The following MTMR10 variants were observed in gnomAD, a reference collection of about 807,000 sequenced individuals.
MTMR10 encodes myotubularin-related protein 10.
Under a neutral mutation model 88.1 loss-of-function variants are expected in MTMR10, and 56 were observed. The observed-to-expected ratio is 0.64, with a 90% CI of 0.51 to 0.79. MTMR10 has a LOEUF of 0.79. Ranked by LOEUF, MTMR10 falls within the 30% of genes least tolerant of loss-of-function variation. MTMR10 has a pLI of 0.00. For missense variants in MTMR10, 883 were observed against 924.7 expected (o/e 0.95, Z 0.58); for synonymous variants, 380 against 340.9 (o/e 1.11, Z -1.26).
At chr15:30,981,056 T>C (rs1465556386) in intron 2 of MTMR10, among the ~76,000 whole-genome samples, 1 of 152,256 alleles carries the variant, frequency 6.6e-6, no homozygotes, top group Non-Finnish European at 1.5e-5. Context: ...ATGGACTCAA[T>C]GTCATAGACT....
rs1466237736 is a variant in MTMR10, at chr15:30,953,554, G to C, written c.1136+8C>G. 9 of 1,526,366 alleles carry C rather than the reference G, an allele frequency of 5.9e-6. No individual in the cohort carries two copies. Among genetic ancestry groups the C allele is most frequent in the Non-Finnish European group, 6.2e-6 (7 of 1,127,906 alleles). 94.6% of individuals were successfully genotyped at this position (1,526,366 alleles called of 1,614,324 possible). ...AGTTAAAGGAAAAGAAAGTAAAGAA[G>C]TACAAACCTTACATATTCTAACCAT... On this transcript the variant is annotated splice_region_variant and intron_variant, in intron 11 of 15. Transcript: ENST00000435680.
rs919140598 is a variant in MTMR10, at chr15:30,940,574, C to CTTGT, written c.*892_*895dup. ...AAGCCCAGCACGCCTCCCAGCAAGC[C>CTTGT]TTGTTTGTTTTTGAGGGCGAGTTTT... On this transcript the variant is annotated 3_prime_UTR_variant, in exon 16 of 16. Transcript: ENST00000435680. The CTTGT allele has an allele frequency of 1.2e-5, 12 of 985,432 alleles. No homozygotes were observed. The East Asian group carries it at 3.4e-4, about 28-fold the overall frequency. The allele number at this position is 985,432 out of a possible 1,614,324, so 61.0% of individuals were successfully genotyped here.
the MTMR10 span, among the ~76,000 whole-genome samples, chr15:30,929,645 TATATA>T: frequency 1.2e-3 from 141 of 116,370 alleles, 2 homozygotes; most frequent in African/African-American, 3.5e-3. Context: ...CAATATACAA[TATATA>T]ATATAATATA....
intron 13 of MTMR10, among the ~76,000 whole-genome samples, chr15:30,947,919 A>C (rs2063194467): frequency 6.6e-6 from 1 of 152,194 alleles, no homozygotes. Context: ...CTAACTCCAC[A>C]GCTGTTGCAA....
chr15:30,943,978 G>C (rs546566509), intron 14 of MTMR10: 12 of 985,302 alleles, frequency 1.2e-5, no homozygotes, highest in Non-Finnish European at 1.4e-5. Context: ...GGAAATGTCT[G>C]ATTCTTTGTT....
At chr15:30,946,712 T>C in intron 14 of MTMR10, 1 of 702,888 alleles carries the variant, frequency 1.4e-6, no homozygotes, top group Non-Finnish European at 2.6e-6. Context: ...ATCAATGAAT[T>C]GTGACCAGAA....
the MTMR10 span, chr15:30,929,445 C>G: frequency 8.7e-4 from 1,278 of 1,462,034 alleles, 11 homozygotes; most frequent in African/African-American, 0.016. Context: ...GTTAACACCG[C>G]CCCAGTGCTG....
At chr15:30,969,137 C>G (rs2063507136) in intron 5 of MTMR10, among the ~76,000 whole-genome samples, 1 of 152,016 alleles carries the variant, frequency 6.6e-6, no homozygotes, top group African/African-American at 2.4e-5. Flanking sequence ...TTTCATTAAC[C>G]AGTAAGCATG....
the MTMR10 span, among the ~76,000 whole-genome samples, chr15:30,918,812 A>T: frequency 6.6e-6 from 1 of 152,182 alleles, no homozygotes; most frequent in African/African-American, 2.4e-5. Flanking sequence ...TTACATAGTG[A>T]TGAGAAAAAT....
At chr15:30,948,505 A>G in intron 12 of MTMR10, 34 bp from the exon 13 acceptor site, 1 of 1,558,522 alleles carries the variant, frequency 6.4e-7, no homozygotes, top group Non-Finnish European at 8.7e-7. Context: ...TGATTACAAC[A>G]TAGAAAAATG....
downstream of MTMR10, among the ~76,000 whole-genome samples, chr15:30,936,340 G>A (rs2140969731): frequency 6.6e-6 from 1 of 152,278 alleles, no homozygotes; most frequent in Admixed American, 6.5e-5. Context: ...GTCCCAGGCA[G>A]CGGGAACAGC....
chr15:30,929,231 GCTT>G, the MTMR10 span: 1 of 1,613,342 alleles, frequency 6.2e-7, no homozygotes, highest in Admixed American at 1.7e-5. Flanking sequence ...TGCACAGACA[GCTT>G]CTTCACAAGC....
chr15:30,942,021 T>C lies in MTMR10; in HGVS notation c.1783A>G (p.Ile595Val). 1 of 1,613,990 alleles carries C rather than the reference T, an allele frequency of 6.2e-7. No homozygotes were observed. Among genetic ancestry groups the C allele is most frequent in the Non-Finnish European group, 8.5e-7 (1 of 1,179,878 alleles). Residue 595 changes from isoleucine to valine, a missense_variant, in exon 16 of 16, where the codon ATC becomes GTC. Ile to Val is a conservative substitution (Grantham distance 29). Transcript: ENST00000435680. ...GGAAGTAATTCTTGGTCACTGATGATTCCATTCTTTAAGGCAGACGGCATT... is the reference window on the plus strand; with the variant it reads ...GGAAGTAATTCTTGGTCACTGATGACTCCATTCTTTAAGGCAGACGGCATT... ...RGMPSALKNGIISDQELLPRR... is the reference protein window; with the variant it reads ...RGMPSALKNGVISDQELLPRR...
Position 30,941,572 on chromosome 15 carries a change from T to G in MTMR10, c.2232A>C (p.Val744=), listed in dbSNP as rs763785595. The part of the protein sequence containing the change: ...FLSSSFPFSP[V]GNLCRRSILG... ...AAATGCTTCGTCTGCACAGATTCCC[T>G]ACAGGAGAAAATGGAAATGAGGAGG... The change falls in exon 16 of 16, where the codon GTA becomes GTC. Residue 744 remains valine (V), a synonymous_variant. Coordinates refer to ENST00000435680, the MANE Select transcript of MTMR10 (RefSeq NM_017762.3). 5.0e-6 allele frequency: 8 copies of G among 1,600,970 alleles called. No homozygotes were observed. Among genetic ancestry groups the G allele is most frequent in the Non-Finnish European group, 6.8e-6 (8 of 1,173,136 alleles).
rs750476889 is a variant in MTMR10, at chr15:30,939,681, TAC to T, written c.*1787_*1788del. The T allele has an allele frequency of 8.4e-6, 8 of 956,366 alleles. No individual in the cohort carries two copies. Among genetic ancestry groups the T allele is most frequent in the Non-Finnish European group, 1.0e-5 (8 of 803,880 alleles). 59.2% of individuals were successfully genotyped at this position (956,366 alleles called of 1,614,324 possible). ...TAAAATAAACGTGAAGGAAGAAAAT[TAC>T]AGAGGGAAAAATGCTCAATCCAAAA... is the stretch of plus-strand genomic sequence containing the variant. On this transcript the variant is annotated 3_prime_UTR_variant, in exon 16 of 16. Transcript: ENST00000435680.
the MTMR10 span, chr15:30,925,829 G>A: frequency 6.2e-7 from 1 of 1,614,094 alleles, no homozygotes. Context: ...CGTGGGATGT[G>A]CAAGTCTGTG....
intron 2 of MTMR10, 138 bp from the exon 3 acceptor site, chr15:30,977,093 C>G (rs1415366567): frequency 7.7e-6 from 6 of 775,780 alleles, no homozygotes; most frequent in Non-Finnish European, 1.2e-5. Context: ...AGGTGCCAGG[C>G]ACTGTATGGT....
intron 9 of MTMR10, 101 bp downstream of exon 9, chr15:30,958,762 A>T: frequency 8.2e-7 from 1 of 1,212,322 alleles, no homozygotes. Context: ...CTAACTAATT[A>T]GTAAGACTAT....
At chr15:30,975,206 G>A (rs938533473) in intron 3 of MTMR10, among the ~76,000 whole-genome samples, 3 of 152,068 alleles carry the variant, frequency 2.0e-5, no homozygotes, top group Non-Finnish European at 2.9e-5. Flanking sequence ...TAATACCTAA[G>A]ATAGGGAATA....
Sources: allele counts gnomAD v4.1 joint callset (sites outside exome capture counted in the v4.1 genomes callset), GRCh38; gene constraint gnomAD v4.1.1; transcripts MANE v1.5; gene names NCBI Gene and HGNC (gene_info 2026-07-23, HGNC 2026-07-21).